Variants in XYLB observed in about 807,000 individuals in gnomAD.
XYLB encodes xylulose kinase.
Under a neutral mutation model 78.7 loss-of-function variants are expected in XYLB, and 62 were observed. The observed-to-expected ratio is 0.79, with a 90% CI of 0.64 to 0.97. The LOEUF (loss-of-function observed/expected upper bound fraction) is 0.97, where lower values mean the gene tolerates loss of function less well. Among genes scored for constraint, XYLB ranks in the 50% least tolerant of loss-of-function variants. The pLI is 0.00. For missense variants in XYLB, 687 were observed against 676.8 expected, an observed-to-expected ratio of 1.02 and a Z score of -0.17; for synonymous variants, 245 against 247.4, an observed-to-expected ratio of 0.99 and a Z score of 0.09.
downstream of XYLB, among the ~76,000 whole-genome samples, chr3:38,416,730 G>T (rs1708807663): frequency 1.3e-5 from 2 of 152,192 alleles, no homozygotes; most frequent in Middle Eastern, 3.4e-3. Flanking sequence ...AGACAATGAA[G>T]GATACATTAA....
rs192491510 is a variant in XYLB, at chr3:38,393,119, T to C, written c.1292-2386T>C. Among the ~76,000 whole-genome samples the C allele has an allele frequency of 3.0e-3, 462 of 152,276 alleles. 3 individuals are homozygous for C. Among genetic ancestry groups the C allele is most frequent in the Non-Finnish European group, 3.2e-3 (217 of 68,020 alleles). On this transcript the variant is annotated intron_variant, in intron 15 of 18. Transcript: ENST00000207870. ...TTATCATTTATCCAGTCCCTATATA[T>C]ACATGGGTCTTTCTCTGTACTCCCT... is the stretch of plus-strand genomic sequence containing the variant.
chr3:38,419,888 C>T (rs1039904102), downstream of XYLB, among the ~76,000 whole-genome samples: 4 of 151,902 alleles, frequency 2.6e-5, no homozygotes, highest in South Asian at 2.1e-4. Flanking sequence ...GGCACCATCT[C>T]GGCTCACTGC....
the XYLB span, among the ~76,000 whole-genome samples, chr3:38,449,621 A>G: frequency 3.3e-5 from 5 of 152,144 alleles, no homozygotes; most frequent in African/African-American, 1.2e-4. Flanking sequence ...CAACCTAACC[A>G]TCATCTTCCC....
the XYLB span, among the ~76,000 whole-genome samples, chr3:38,436,766 G>A: frequency 6.6e-6 from 1 of 152,090 alleles, no homozygotes; most frequent in African/African-American, 2.4e-5. Flanking sequence ...CACTTTGGGA[G>A]GCCAAGGCAG....
At chr3:38,433,670 G>C in the XYLB span, among the ~76,000 whole-genome samples, 1 of 152,124 alleles carries the variant, frequency 6.6e-6, no homozygotes, top group Non-Finnish European at 1.5e-5. Context: ...TTCCCAAAAA[G>C]TTCTTCATCT....
At chr3:38,418,231 G>A (rs1708865628), downstream of XYLB, among the ~76,000 whole-genome samples, 1 of 149,860 alleles carries the variant, frequency 6.7e-6, no homozygotes, top group African/African-American at 2.5e-5. Context: ...ATATATGTAT[G>A]TATGTATCTA....
intron 10 of XYLB, among the ~76,000 whole-genome samples, chr3:38,374,014 C>G (rs748027513): frequency 1.2e-4 from 17 of 146,640 alleles, no homozygotes; most frequent in Non-Finnish European, 2.2e-4. Flanking sequence ...TGAGACCCCA[C>G]CTATATATCT....
chr3:38,436,071 T>C, the XYLB span, among the ~76,000 whole-genome samples: 1 of 151,622 alleles, frequency 6.6e-6, no homozygotes, highest in Admixed American at 6.6e-5. Flanking sequence ...AAAAAAGGAA[T>C]AAAGATCAGA....
chr3:38,421,775 A>T (rs1708986250), downstream of XYLB, among the ~76,000 whole-genome samples: 3 of 152,188 alleles, frequency 2.0e-5, no homozygotes, highest in Admixed American at 2.0e-4. Context: ...AAAGCAGCAG[A>T]GTAGGGAGAG....
intron 14 of XYLB, among the ~76,000 whole-genome samples, chr3:38,378,101 A>C (rs755288110): frequency 6.6e-6 from 1 of 152,242 alleles, no homozygotes; most frequent in Non-Finnish European, 1.5e-5. Flanking sequence ...TTGGCGTTGG[A>C]TTCAGTGGCA....
the XYLB span, among the ~76,000 whole-genome samples, chr3:38,449,323 G>A: frequency 5.9e-5 from 9 of 151,840 alleles, no homozygotes; most frequent in African/African-American, 1.5e-4. Flanking sequence ...GGGTTTCACC[G>A]TGTTGGCCAG....
Position 38,377,001 on chromosome 3 carries a change from C to T in XYLB, c.1194+10C>T. 6.2e-7 allele frequency: 1 copy of T among 1,611,672 alleles called. No homozygotes were observed. The highest frequency in any genetic ancestry group is 8.5e-7 in the Non-Finnish European group (1 of 1,178,278). ...CACAGAAAACCACAAGGTACATGTG[C>T]TGTTGGTGTTGGAGTTACATTGGCT... is the stretch of plus-strand genomic sequence containing the variant. On this transcript the variant is annotated intron_variant, in intron 14 of 18. Transcript: ENST00000207870.
At chr3:38,391,615 CTG>C (rs1707660399) in intron 15 of XYLB, among the ~76,000 whole-genome samples, 1 of 147,958 alleles carries the variant, frequency 6.8e-6, no homozygotes, top group African/African-American at 2.4e-5. Flanking sequence ...TATGACCTGA[CTG>C]TGTCTCCCCA....
chr3:38,433,929 C>T, the XYLB span, among the ~76,000 whole-genome samples: 1 of 152,130 alleles, frequency 6.6e-6, no homozygotes, highest in Non-Finnish European at 1.5e-5. Context: ...TGAATAAATA[C>T]CCGAGACTAG....
At chr3:38,406,929 G>A (rs1202100599) in intron 18 of XYLB, among the ~76,000 whole-genome samples, 1 of 151,694 alleles carries the variant, frequency 6.6e-6, no homozygotes, top group Non-Finnish European at 1.5e-5. Flanking sequence ...AAAGTGACGG[G>A]GAGAATGGAA....
intron 15 of XYLB, among the ~76,000 whole-genome samples, chr3:38,380,236 T>A (rs1707082391): frequency 6.6e-6 from 1 of 152,122 alleles, no homozygotes; most frequent in Non-Finnish European, 1.5e-5. Context: ...GGGACACATA[T>A]TCAAACCATA....
intron 2 of XYLB, among the ~76,000 whole-genome samples, chr3:38,349,965 T>A (rs1402196396): frequency 6.6e-6 from 1 of 152,234 alleles, no homozygotes; most frequent in Non-Finnish European, 1.5e-5. Context: ...TTAAAGGCCC[T>A]GTCTCCAAAT....
chr3:38,412,000 C>CT lies in XYLB; in HGVS notation c.1534-928dup, dbSNP rs1244496715. 8.8e-3 allele frequency among the ~76,000 whole-genome samples: 958 copies of CT among 108,824 alleles called. 6 individuals are homozygous for CT. The highest frequency in any genetic ancestry group is 0.032 in the African/African-American group (917 of 28,554). 71.4% of individuals were successfully genotyped at this position (108,824 alleles called of 152,430 possible). Reference sequence around the variant, plus strand: ...ATCTCAACTCTTTTTTTTTTTTTTTCTTTTTTTTGAGACAGAGTCTTGCTC... The same window carrying CT: ...ATCTCAACTCTTTTTTTTTTTTTTTCTTTTTTTTTGAGACAGAGTCTTGCTC... On this transcript the variant is annotated intron_variant, in intron 18 of 18. Transcript: ENST00000207870.
the XYLB span, among the ~76,000 whole-genome samples, chr3:38,449,225 T>C: frequency 6.6e-6 from 1 of 152,200 alleles, no homozygotes; most frequent in South Asian, 2.1e-4. Context: ...TGGGTTCAAG[T>C]GATTCTCCCA....
Sources: allele counts gnomAD v4.1 joint callset (sites outside exome capture counted in the v4.1 genomes callset), GRCh38; gene constraint gnomAD v4.1.1; transcripts MANE v1.5; gene names NCBI Gene and HGNC (gene_info 2026-07-23, HGNC 2026-07-21).